Variants in NBEA observed in about 807,000 individuals in gnomAD.
NBEA encodes neurobeachin.
NBEA carries 44 observed loss-of-function variants against 343.4 expected under a neutral mutation model. The observed-to-expected ratio is 0.13, with a 90% CI of 0.10 to 0.16. The LOEUF (loss-of-function observed/expected upper bound fraction) is 0.16, where lower values mean the gene tolerates loss of function less well. Among genes scored for constraint, NBEA ranks in the 10% least tolerant of loss-of-function variants. The pLI, the probability that NBEA is intolerant of heterozygous loss-of-function variation, is 1.00. For missense variants in NBEA, 2,555 were observed against 3,631.3 expected (o/e 0.70, Z 7.62); for synonymous variants, 1,175 against 1,238.7 (o/e 0.95, Z 1.08).
At position 34,942,947 on chromosome 13, in the gene NBEA, G is replaced by T; in HGVS notation, c.127G>T (p.Gly43Trp). The T allele has an allele frequency of 6.3e-7, 1 of 1,590,514 alleles. No individual in the cohort carries two copies. Among genetic ancestry groups the T allele is most frequent in the South Asian group, 1.1e-5 (1 of 89,446 alleles). Residue 43 changes from glycine to tryptophan, a missense_variant, in exon 1 of 59, where the codon GGG becomes TGG. Gly to Trp is a radical substitution (Grantham distance 184). Around this residue, in one of 21 missense-constraint regions of NBEA, gnomAD observed 122 missense variants for 91.0 expected, o/e 1.34. Transcript: ENST00000379939. ...TGGCGGCACCGGGGGCAGCGGGATG[G>T]GGGAGCTAAGGGGGGCGTCCGGCTC... ...GGGGTGGSGM[G>W]ELRGASGSGS...
At chr13:35,357,006 TTAAC>T (rs1204872127) in intron 38 of NBEA, among the ~76,000 whole-genome samples, 1 of 152,188 alleles carries the variant, frequency 6.6e-6, no homozygotes. Context: ...AATTTACTGT[TTAAC>T]TATTTTTTTA....
intron 44 of NBEA, among the ~76,000 whole-genome samples, chr13:35,565,982 A>C (rs146131574): frequency 4.0e-4 from 61 of 152,302 alleles, no homozygotes; most frequent in African/African-American, 1.3e-3. Context: ...TCCACTCGCA[A>C]ATTCTCTGCA....
chr13:35,110,050 TTA>T (rs1305991143), intron 12 of NBEA, among the ~76,000 whole-genome samples: 8,002 of 126,472 alleles, frequency 0.063, 406 homozygotes, highest in African/African-American at 0.13. Context: ...TTTTTTTTTT[TTA>T]AATGTTTTTT....
At chr13:35,186,424 A>G (rs2071709861) in intron 30 of NBEA, 1 of 152,142 alleles carries the variant, frequency 6.6e-6, no homozygotes, top group Non-Finnish European at 1.5e-5. Context: ...TTTTCCAGCA[A>G]TAGAAGATTC....
chr13:35,275,475 A>G (rs111819713), intron 34 of NBEA, among the ~76,000 whole-genome samples: 15,900 of 152,186 alleles, frequency 0.1, 1,200 homozygotes, highest in African/African-American at 0.2. Flanking sequence ...CACCAAAAGC[A>G]ATGGCAACAA....
intron 1 of NBEA, among the ~76,000 whole-genome samples, chr13:35,019,376 C>T (rs552403809): frequency 3.3e-5 from 5 of 151,706 alleles, no homozygotes; most frequent in Admixed American, 2.6e-4. Flanking sequence ...TGGCTCACTG[C>T]AACCTCTGCC....
chr13:35,028,034 A>G (rs537064378), intron 1 of NBEA, among the ~76,000 whole-genome samples: 3 of 151,946 alleles, frequency 2.0e-5, no homozygotes, highest in South Asian at 4.1e-4. Flanking sequence ...TTCATGATCT[A>G]TGTGTCTATC....
intron 1 of NBEA, among the ~76,000 whole-genome samples, chr13:34,994,324 G>A (rs1289089020): frequency 6.6e-6 from 1 of 150,790 alleles, no homozygotes; most frequent in Non-Finnish European, 1.5e-5. Context: ...TATGTGGAAC[G>A]AGTTTATACT....
At chr13:35,613,500 G>T (rs1186298978) in intron 48 of NBEA, among the ~76,000 whole-genome samples, 3 of 152,092 alleles carry the variant, frequency 2.0e-5, no homozygotes, top group African/African-American at 7.2e-5. Flanking sequence ...GAATAATGCT[G>T]CAGGGAACAT....
chr13:35,604,038 TTACTTC>T (rs2082177327), intron 47 of NBEA, among the ~76,000 whole-genome samples: 2 of 152,198 alleles, frequency 1.3e-5, no homozygotes, highest in South Asian at 4.1e-4. Context: ...CAGTGATTCT[TTACTTC>T]TACTCTCCTG....
At chr13:34,968,438 G>T (rs1335817983) in intron 1 of NBEA, among the ~76,000 whole-genome samples, 1 of 152,100 alleles carries the variant, frequency 6.6e-6, no homozygotes. Context: ...TGGTCAAAAG[G>T]GTCTTGTTAT....
At chr13:35,189,650 T>C (rs2072023442) in intron 30 of NBEA, among the ~76,000 whole-genome samples, 1 of 152,006 alleles carries the variant, frequency 6.6e-6, no homozygotes, top group Admixed American at 6.6e-5. Context: ...ATATAAAAAT[T>C]ATAACTACAT....
Position 35,171,372 on chromosome 13 carries a change from C to G in NBEA, c.4343C>G (p.Ala1448Gly), listed in dbSNP as rs1212966817. 2 of 1,611,950 alleles carry G rather than the reference C, an allele frequency of 1.2e-6. No individual in the cohort carries two copies. Among genetic ancestry groups the G allele is most frequent in the African/African-American group, 1.3e-5 (1 of 74,860 alleles). The change falls in exon 26 of 59, where the codon GCA becomes GGA. Residue 1448 changes from alanine to glycine, a missense_variant. Ala to Gly is a moderately conservative substitution (Grantham distance 60). This residue lies in a region of NBEA where 168 missense variants were observed against 193.0 expected (regional missense o/e 0.87). Coordinates refer to ENST00000379939, the MANE Select transcript of NBEA (RefSeq NM_001385012.1). ...LMAMVDVLVF[A>G]SSLNFSEIEA... Reference sequence around the variant, plus strand: ...GCTATGGTTGATGTACTTGTGTTTGCAAGCTCTCTAAATTTTAGTGAGATT... The same window carrying G: ...GCTATGGTTGATGTACTTGTGTTTGGAAGCTCTCTAAATTTTAGTGAGATT...
rs2062795366 is a variant in NBEA, at chr13:35,045,014, G to T, written c.594G>T (p.Leu198Phe). ...TCACTGTCAAGGAGTTGAAGCTTTT[G>T]TTCAGCATGCTTCGAGGAGAAAGTG... The part of the protein sequence containing the change: ...YSITVKELKL[L>F]FSMLRGESGI... The change falls in exon 3 of 59, where the codon TTG (leucine) becomes TTT (phenylalanine). Residue 198 changes from leucine to phenylalanine, a missense_variant. By Grantham distance (22) the Leu-to-Phe change is conservative (BLOSUM62 0). Transcript: ENST00000379939. 6.2e-7 allele frequency: 1 copy of T among 1,611,476 alleles called. No individual in the cohort carries two copies. Among genetic ancestry groups the T allele is most frequent in the Admixed American group, 1.7e-5 (1 of 59,782 alleles).
intron 1 of NBEA, among the ~76,000 whole-genome samples, chr13:35,028,850 TC>T (rs939349613): frequency 6.6e-6 from 1 of 151,662 alleles, no homozygotes; most frequent in Non-Finnish European, 1.5e-5. Context: ...TTTAGATATT[TC>T]ATGTAATTGC....
chr13:35,221,221 G>T (rs762923431), intron 33 of NBEA, among the ~76,000 whole-genome samples: 9 of 151,948 alleles, frequency 5.9e-5, no homozygotes, highest in Non-Finnish European at 1.3e-4. Context: ...GTGAGTGCCT[G>T]TAATCCCAGC....
chr13:35,475,972 A>G (rs745461997), intron 41 of NBEA: 1 of 1,614,172 alleles, frequency 6.2e-7, no homozygotes, highest in Non-Finnish European at 8.5e-7. Flanking sequence ...CATCTCGTTG[A>G]GAGAGCTGAT....
Position 35,112,734 on chromosome 13 carries a change from A to G in NBEA, c.2002+1756A>G, listed in dbSNP as rs544527285. 3.3e-5 allele frequency among the ~76,000 whole-genome samples: 5 copies of G among 152,252 alleles called. No individual in the cohort carries two copies. In the East Asian group the frequency reaches 7.7e-4, roughly 23 times the overall value. On this transcript the variant is annotated intron_variant, in intron 13 of 58. Coordinates refer to ENST00000379939, the MANE Select transcript of NBEA (RefSeq NM_001385012.1). ...ACATCTTATCACTTTAGCCTTTACT[A>G]TTCTCTCATGCTCTCTTTTTATGTA...
rs188898509 is a variant in NBEA, at chr13:35,024,202, A to G, written c.295-16731A>G. 2.7e-3 allele frequency among the ~76,000 whole-genome samples: 408 copies of G among 152,286 alleles called. 7 individuals carry two copies. The highest frequency in any genetic ancestry group is 4.8e-3 in the Non-Finnish European group (329 of 68,014). On this transcript the variant is annotated intron_variant, in intron 1 of 58. Coordinates refer to ENST00000379939, the MANE Select transcript of NBEA (RefSeq NM_001385012.1). ...TTTTGTTATGGCTGCATAGTATTCC[A>G]TGGTGTATATGCACCACATTTCTTT...
Sources: gnomAD v4.1 joint callset for allele counts (sites outside exome capture counted in the v4.1 genomes callset) on GRCh38, gnomAD v4.1.1 for gene constraint, gnomAD v4.1.1 regional missense constraint, MANE v1.5 for transcripts, NCBI Gene and HGNC (gene_info 2026-07-23, HGNC 2026-07-21) for gene names.